USP13: variants seen among roughly 807,000 people sequenced by gnomAD.
USP13 encodes ubiquitin specific peptidase 13.
In USP13, 68 loss-of-function variants were observed where a neutral mutation model predicts 107.8. The observed-to-expected ratio is 0.63, with a 90% CI of 0.52 to 0.77. The LOEUF is 0.77. Among genes scored for constraint, USP13 ranks in the 30% least tolerant of loss-of-function variants. USP13 has a pLI of 0.00. For synonymous variants in USP13, 377 were observed against 389.5 expected, an observed-to-expected ratio of 0.97 and a Z score of 0.38; for missense variants, 945 against 1,093.3, an observed-to-expected ratio of 0.86 and a Z score of 1.91.
At chr3:179,679,715 C>T (rs1010948911) in intron 1 of USP13, among the ~76,000 whole-genome samples, 1 of 150,276 alleles carries the variant, frequency 6.7e-6, no homozygotes, top group African/African-American at 2.5e-5. Context: ...TGAAATGTGG[C>T]ATAGAGGGAT....
intron 2 of USP13, among the ~76,000 whole-genome samples, chr3:179,688,990 T>C (rs1480143561): frequency 1.3e-5 from 2 of 152,206 alleles, no homozygotes; most frequent in African/African-American, 4.8e-5. Flanking sequence ...TGTAAACCTG[T>C]AGTAGAAGCT....
intron 16 of USP13, 27 bp from the exon 17 acceptor site, chr3:179,761,085 A>G (rs778420437): frequency 2.5e-5 from 40 of 1,613,462 alleles, no homozygotes; most frequent in Non-Finnish European, 3.1e-5. Context: ...CCTCTTTCAC[A>G]CTAGAATATC....
chr3:179,784,858 G>A lies in USP13; in HGVS notation c.*717G>A, dbSNP rs1013988158. On this transcript the variant is annotated 3_prime_UTR_variant, in exon 21 of 21. Coordinates refer to ENST00000263966, the MANE Select transcript of USP13 (RefSeq NM_003940.3). ...TTGATATTAAGCATATCTGAAAAAAGCAAGTAAATATTTTAACAAAACTAT... is the reference window on the plus strand; with the variant it reads ...TTGATATTAAGCATATCTGAAAAAAACAAGTAAATATTTTAACAAAACTAT... 1.3e-5 allele frequency: 2 copies of A among 152,128 alleles called. No individual in the cohort carries two copies. Among genetic ancestry groups the A allele is most frequent in the Non-Finnish European group, 2.9e-5 (2 of 68,016 alleles). 9.4% of individuals were successfully genotyped at this position (152,128 alleles called of 1,614,324 possible).
intron 1 of USP13, among the ~76,000 whole-genome samples, chr3:179,654,607 G>A (rs76778520): frequency 0.023 from 3,560 of 152,268 alleles, 56 homozygotes; most frequent in Non-Finnish European, 0.041. Flanking sequence ...ACCCACTTTA[G>A]ATCTCATATG....
chr3:179,738,863 C>T (rs150849836), intron 10 of USP13, among the ~76,000 whole-genome samples: 127 of 152,222 alleles, frequency 8.3e-4, no homozygotes, highest in Middle Eastern at 3.4e-3. Flanking sequence ...GTTGTGGGGG[C>T]GGTCTTTGCT....
intron 4 of USP13, among the ~76,000 whole-genome samples, chr3:179,702,583 C>A (rs115656921): frequency 0.021 from 3,178 of 152,284 alleles, 120 homozygotes; most frequent in African/African-American, 0.073. Flanking sequence ...ACTAGGGACT[C>A]GGTTTCCACC....
chr3:179,760,147 G>T (rs1282902048), intron 16 of USP13, among the ~76,000 whole-genome samples: 1 of 152,034 alleles, frequency 6.6e-6, no homozygotes, highest in Non-Finnish European at 1.5e-5. Context: ...TTTGAGAACA[G>T]TGTGTATGTG....
chr3:179,679,453 A>G (rs1190811957), intron 1 of USP13, among the ~76,000 whole-genome samples: 2 of 152,140 alleles, frequency 1.3e-5, no homozygotes, highest in Non-Finnish European at 2.9e-5. Context: ...TTCAAAAGTT[A>G]GTTTTACATT....
intron 4 of USP13, 61 bp downstream of exon 4, chr3:179,701,190 G>A (rs1712506472): frequency 8.2e-6 from 9 of 1,097,652 alleles, no homozygotes; most frequent in South Asian, 5.8e-5. Flanking sequence ...GTGTGTGTGC[G>A]TGTGCGATGT....
At chr3:179,657,500 C>T (rs1299416583) in intron 1 of USP13, among the ~76,000 whole-genome samples, 2 of 151,970 alleles carry the variant, frequency 1.3e-5, no homozygotes, top group African/African-American at 4.8e-5. Flanking sequence ...CTGTGGCTCC[C>T]ACCTGTAATT....
At chr3:179,722,030 C>T (rs1490133954) in intron 8 of USP13, among the ~76,000 whole-genome samples, 1 of 148,888 alleles carries the variant, frequency 6.7e-6, no homozygotes, top group Non-Finnish European at 1.5e-5. Flanking sequence ...CATGCCACTG[C>T]ACTCCAGCCT....
intron 8 of USP13, among the ~76,000 whole-genome samples, chr3:179,728,775 C>CT (rs1713675290): frequency 6.6e-6 from 1 of 152,204 alleles, no homozygotes; most frequent in Non-Finnish European, 1.5e-5. Flanking sequence ...CGGTTAGGGG[C>CT]TGGAGACCGG....
chr3:179,747,700 G>A (rs1714457065), intron 13 of USP13, among the ~76,000 whole-genome samples: 1 of 152,132 alleles, frequency 6.6e-6, no homozygotes, highest in Non-Finnish European at 1.5e-5. Context: ...CTTCTCCTGT[G>A]TCTACCTTCC....
At chr3:179,657,298 A>T (rs12631991) in intron 1 of USP13, among the ~76,000 whole-genome samples, 25,276 of 152,076 alleles carry the variant, frequency 0.17, 2,164 homozygotes, top group African/African-American at 0.22. Context: ...CAGGTGGATC[A>T]CCTGAGGTCA....
chr3:179,773,415 G>T (rs1188668938), intron 19 of USP13, among the ~76,000 whole-genome samples: 1 of 152,160 alleles, frequency 6.6e-6, no homozygotes, highest in Non-Finnish European at 1.5e-5. Context: ...ACTCTCTGTA[G>T]ACTAACTAAA....
intron 16 of USP13, among the ~76,000 whole-genome samples, chr3:179,759,246 G>T (rs916594075): frequency 6.6e-6 from 1 of 152,276 alleles, no homozygotes; most frequent in Non-Finnish European, 1.5e-5. Flanking sequence ...CTCCCAAAGT[G>T]CTGGGATTAC....
rs935139773 is a variant in USP13, at chr3:179,789,373, T to C, written c.*5232T>C. ...AGAGATGGATGATTTATTGCTTCAA[T>C]TGTTTTAAATTAAAAGCTATTCTCA... On this transcript the variant is annotated 3_prime_UTR_variant, in exon 21 of 21. Transcript: ENST00000263966. The C allele has an allele frequency of 6.6e-6, 1 of 152,234 alleles. No individual in the cohort carries two copies. Among genetic ancestry groups the C allele is most frequent in the Non-Finnish European group, 1.5e-5 (1 of 68,034 alleles). 9.4% of individuals were successfully genotyped at this position (152,234 alleles called of 1,614,324 possible).
intron 6 of USP13, among the ~76,000 whole-genome samples, chr3:179,714,655 T>C (rs542443975): frequency 6.6e-6 from 1 of 152,250 alleles, no homozygotes; most frequent in South Asian, 2.1e-4. Flanking sequence ...TGGGAGGCTG[T>C]GTTTTGAGGA....
intron 3 of USP13, among the ~76,000 whole-genome samples, chr3:179,691,667 T>C (rs1018194487): frequency 1.3e-5 from 2 of 152,212 alleles, no homozygotes; most frequent in African/African-American, 4.8e-5. Context: ...AGTGATACTT[T>C]GAGACTGTGC....
Sources: allele counts gnomAD v4.1 joint callset (sites outside exome capture counted in the v4.1 genomes callset), GRCh38; gene constraint gnomAD v4.1.1; transcripts MANE v1.5; gene names NCBI Gene and HGNC (gene_info 2026-07-23, HGNC 2026-07-21).